The following PRPSAP1 variants were observed in gnomAD, a reference collection of about 807,000 sequenced individuals.
PRPSAP1 encodes the protein phosphoribosyl pyrophosphate synthetase associated protein 1, also known as phosphoribosyl pyrophosphate synthase-associated protein 1.
In PRPSAP1, 31 loss-of-function variants were observed where a neutral mutation model predicts 39.4. The ratio of observed to expected loss-of-function variants is 0.79; its 90% CI spans 0.59 to 1.06. The LOEUF (loss-of-function observed/expected upper bound fraction) is 1.06. Ranked by LOEUF, PRPSAP1 falls within the 50% of genes least tolerant of loss-of-function variation. The probability of loss-of-function intolerance (pLI) is 0.00; values close to 1 mark genes in which losing one functional copy is unlikely to be tolerated. For missense variants in PRPSAP1, 430 were observed against 511.6 expected, an observed-to-expected ratio of 0.84 and a Z score of 1.54; for synonymous variants, 212 against 192.6, an observed-to-expected ratio of 1.10 and a Z score of -0.83.
chr17:76,332,608 T>C (rs1371081579), intron 3 of PRPSAP1, among the ~76,000 whole-genome samples, 173 bp from the exon 4 acceptor site: 1 of 152,204 alleles, frequency 6.6e-6, no homozygotes, highest in Non-Finnish European at 1.5e-5. Flanking sequence ...TGACTTTTTG[T>C]AGCTGAGTAA....
chr17:76,312,690 A>C, intron 9 of PRPSAP1, 180 bp downstream of exon 9: 1 of 644,290 alleles, frequency 1.6e-6, no homozygotes, highest in Non-Finnish European at 2.4e-6. Context: ...TCTAAGTTGA[A>C]CCATGGTAAG....
chr17:76,351,663 G>A (rs2071574611), intron 1 of PRPSAP1, among the ~76,000 whole-genome samples: 1 of 152,118 alleles, frequency 6.6e-6, no homozygotes, highest in South Asian at 2.1e-4. Context: ...CTCCAGCCTG[G>A]GTGACACAAG....
At position 76,353,779 on chromosome 17, in the gene PRPSAP1, G is replaced by A. The variant is rs376769808; in HGVS notation, c.-76C>T. The stretch of plus-strand genomic sequence containing the variant: ...GAGTGCTTCCGACTGCGAGACCCCG[G>A]TTTGGGTGGGGAAGGCGCTGAGAAA... On this transcript the variant is annotated 5_prime_UTR_variant, in exon 1 of 10. Transcript: ENST00000446526. 37 of 1,394,998 alleles carry A rather than the reference G, an allele frequency of 2.7e-5. No individual in the cohort carries two copies. Among genetic ancestry groups the A allele is most frequent in the Middle Eastern group, 2.7e-4 (1 of 3,768 alleles). 86.4% of individuals were successfully genotyped at this position (1,394,998 alleles called of 1,614,324 possible). A position where few individuals can be genotyped will look rare whatever the true frequency, so the allele number is the denominator to read the frequency against.
intron 3 of PRPSAP1, among the ~76,000 whole-genome samples, chr17:76,334,811 A>G (rs146569381): frequency 1.4e-3 from 218 of 152,328 alleles, no homozygotes; most frequent in African/African-American, 5.1e-3. Context: ...AATAATGCCA[A>G]GTCTGGCATC....
At chr17:76,319,308 G>C (rs2071160804) in intron 7 of PRPSAP1, 1 of 152,184 alleles carries the variant, frequency 6.6e-6, no homozygotes, top group Admixed American at 6.5e-5. Flanking sequence ...GTAACTCACA[G>C]GTAGTGACGT....
chr17:76,314,685 A>G (rs1039106115), intron 7 of PRPSAP1: 8 of 152,240 alleles, frequency 5.3e-5, no homozygotes, highest in African/African-American at 1.9e-4. Flanking sequence ...CTTTTTTCCT[A>G]TCAAGTCTTC....
At chr17:76,324,164 T>C (rs962379936) in intron 7 of PRPSAP1, among the ~76,000 whole-genome samples, 2 of 149,972 alleles carry the variant, frequency 1.3e-5, no homozygotes, top group Non-Finnish European at 3.0e-5. Context: ...AAGAAAGTAG[T>C]TCTTTCTTCT....
At chr17:76,353,334 T>G in intron 1 of PRPSAP1, 200 bp downstream of exon 1, 8 of 516,806 alleles carry the variant, frequency 1.5e-5, no homozygotes, top group South Asian at 6.6e-5. Flanking sequence ...TCACCGAGAG[T>G]CCGCCCCAAG....
intron 3 of PRPSAP1, among the ~76,000 whole-genome samples, chr17:76,336,544 C>A (rs1189103614): frequency 6.6e-6 from 1 of 151,574 alleles, no homozygotes; most frequent in Admixed American, 6.6e-5. Flanking sequence ...CCAGCCTGAC[C>A]AACATGGAGA....
intron 3 of PRPSAP1, among the ~76,000 whole-genome samples, chr17:76,333,333 C>A (rs2071345019): frequency 6.6e-6 from 1 of 152,162 alleles, no homozygotes; most frequent in Non-Finnish European, 1.5e-5. Context: ...TGGTCTCGAA[C>A]TCCCGACCTT....
In PRPSAP1 at chr17:76,328,591, AGAGT is replaced by A. The variant is rs2143494284; in HGVS notation, c.781+122_781+125del. 7 of 1,227,298 alleles carry A rather than the reference AGAGT, an allele frequency of 5.7e-6. No homozygotes were observed. The South Asian group carries it at 9.8e-5, about 17-fold the overall frequency. 76.0% of individuals were successfully genotyped at this position (1,227,298 alleles called of 1,614,324 possible). On this transcript the variant is annotated intron_variant, in intron 7 of 9. Coordinates refer to ENST00000446526, the MANE Select transcript of PRPSAP1 (RefSeq NM_002766.3). ...GCCACTGCACTCTAGCCTGGGTGAC[AGAGT>A]GAGACTCCATCTCAAAAACAAAACA...
Position 76,313,344 on chromosome 17 carries a change from T to A in PRPSAP1, c.853-328A>T, listed in dbSNP as rs2279057. On this transcript the variant is annotated intron_variant, in intron 8 of 9. Coordinates refer to ENST00000446526, the MANE Select transcript of PRPSAP1 (RefSeq NM_002766.3). ...CCATTTATTTTTTTTTCAAATAGACTGTGACATGAGAAGAAAACTGAAATA... is the reference window on the plus strand; with the variant it reads ...CCATTTATTTTTTTTTCAAATAGACAGTGACATGAGAAGAAAACTGAAATA... 8 of 249,858 alleles carry A rather than the reference T, an allele frequency of 3.2e-5. No individual in the cohort carries two copies. In the South Asian group the frequency reaches 7.5e-4, roughly 23 times the overall value. The allele number at this position is 249,858 out of a possible 1,614,324, so 15.5% of individuals were successfully genotyped here. A position where few individuals can be genotyped will look rare whatever the true frequency, so the allele number is the denominator to read the frequency against.
At chr17:76,322,215 G>C (rs990367874) in intron 7 of PRPSAP1, among the ~76,000 whole-genome samples, 5 of 152,116 alleles carry the variant, frequency 3.3e-5, no homozygotes, top group African/African-American at 1.2e-4. Context: ...CGACCAACAT[G>C]GTGAAACCTC....
intron 3 of PRPSAP1, among the ~76,000 whole-genome samples, chr17:76,339,660 A>C (rs1366839784): frequency 7.9e-5 from 12 of 151,614 alleles, no homozygotes; most frequent in Non-Finnish European, 1.6e-4. Context: ...AAACTTCACC[A>C]TCTTCAGGAG....
Position 76,341,892 on chromosome 17 carries a change from T to C in PRPSAP1, c.290+2779A>G, listed in dbSNP as rs141706566. On this transcript the variant is annotated intron_variant, in intron 3 of 9. Transcript: ENST00000446526. The stretch of plus-strand genomic sequence containing the variant: ...AGGCGGAGCTTGCAGTGAGCCAAGA[T>C]TGCGCCACTGCACCCCAGCCTGGGC... Among the ~76,000 whole-genome samples, 1,447 of 152,192 alleles carry C rather than the reference T, an allele frequency of 9.5e-3. 10 individuals carry two copies. The highest frequency in any genetic ancestry group is 0.034 in the Middle Eastern group (10 of 294).
rs889075439 is a variant in PRPSAP1 at position 76,353,675 on chromosome 17, G to C, written c.29C>G (p.Pro10Arg). 6.6e-7 allele frequency: 1 copy of C among 1,516,084 alleles called. No individual in the cohort carries two copies. The highest frequency in any genetic ancestry group is 8.8e-7 in the Non-Finnish European group (1 of 1,137,198). 93.9% of individuals were successfully genotyped at this position (1,516,084 alleles called of 1,614,324 possible). The change falls in exon 1 of 10, where the codon CCG becomes CGG. Residue 10 changes from proline to arginine, a missense_variant. Physicochemically the swap from Pro to Arg is moderately radical, Grantham distance 103. Coordinates refer to ENST00000446526, the MANE Select transcript of PRPSAP1 (RefSeq NM_002766.3). MPKKLLLLP[P>R]PSASSAFRVP... ...GCGGAAAGCCGAGGACGCGGAGGGC[G>C]GGGGCAACAGCAGCAGCTTCTTGGG...
chr17:76,323,548 T>C (rs1383265247), intron 7 of PRPSAP1, among the ~76,000 whole-genome samples: 1 of 152,036 alleles, frequency 6.6e-6, no homozygotes, highest in African/African-American at 2.4e-5. Flanking sequence ...TGGATGACTC[T>C]GAGGAGTTCA....
chr17:76,339,347 G>C (rs1245067008), intron 3 of PRPSAP1, among the ~76,000 whole-genome samples: 2 of 151,588 alleles, frequency 1.3e-5, no homozygotes, highest in African/African-American at 4.9e-5. Context: ...AGAGGTTGCA[G>C]TGAGCCGAGA....
chr17:76,353,439 G>T, intron 1 of PRPSAP1, 95 bp downstream of exon 1: 1 of 1,242,440 alleles, frequency 8.0e-7, no homozygotes, highest in Non-Finnish European at 1.1e-6. Flanking sequence ...CCCAGGTGCA[G>T]GAGGTGGGGC....
Sources: gnomAD v4.1 joint callset for allele counts (sites outside exome capture counted in the v4.1 genomes callset) on GRCh38, gnomAD v4.1.1 for gene constraint, MANE v1.5 for transcripts, NCBI Gene and HGNC (gene_info 2026-07-23, HGNC 2026-07-21) for gene names.